Variants in EED observed in about 807,000 individuals in gnomAD.
EED encodes polycomb protein EED.
In EED, 9 loss-of-function variants were observed where a neutral mutation model predicts 61.0. That is an observed-to-expected ratio of 0.15 (90% CI 0.09 to 0.26). The LOEUF (loss-of-function observed/expected upper bound fraction) is 0.26, where lower values mean the gene tolerates loss of function less well. EED is among the 10% of genes least tolerant of loss of function. The pLI is 1.00. For synonymous variants in EED, 187 were observed against 174.4 expected, an observed-to-expected ratio of 1.07 and a Z score of -0.57; for missense variants, 315 against 542.3, an observed-to-expected ratio of 0.58 and a Z score of 4.16.
In EED at chr11:86,252,223, A is replaced by G; in HGVS notation, c.343A>G (p.Thr115Ala). 2 of 1,610,724 alleles carry G rather than the reference A, an allele frequency of 1.2e-6. No homozygotes were observed. The highest frequency in any genetic ancestry group is 1.1e-5 in the South Asian group (1 of 90,658). Reference protein sequence around the residue: ...SKEGDPLVFATVGSNRVTLYE... With the variant: ...SKEGDPLVFAAVGSNRVTLYE... ...AGAAGGAGATCCATTAGTGTTTGCA[A>G]CTGTAGGAAGCAACAGAGTGAGTGT... The change falls in exon 3 of 12, where the codon ACT (threonine) becomes GCT (alanine). Residue 115 changes from threonine (T) to alanine (A), a missense_variant. Thr to Ala is a moderately conservative substitution (Grantham distance 58). Around this residue, in one of 2 missense-constraint regions of EED, gnomAD observed 205 missense variants for 455.4 expected, o/e 0.45. Transcript: ENST00000263360.
At chr11:86,257,185 TTGTGTGTGTGTGTGTG>T (rs71040223) in intron 5 of EED, among the ~76,000 whole-genome samples, 2 of 143,356 alleles carry the variant, frequency 1.4e-5, no homozygotes, top group South Asian at 2.3e-4. Context: ...AATTTTTAAT[TTGTGTGTGTGTGTGTG>T]TGTGTGTGTG....
chr11:86,275,739 G>A (rs954294667), intron 9 of EED, among the ~76,000 whole-genome samples: 2 of 152,164 alleles, frequency 1.3e-5, no homozygotes, highest in Non-Finnish European at 2.9e-5. Context: ...GCTGAGATGA[G>A]TCTTTTGAGA....
At chr11:86,263,471 C>T (rs1945891930) in intron 6 of EED, among the ~76,000 whole-genome samples, 1 of 152,188 alleles carries the variant, frequency 6.6e-6, no homozygotes, top group Non-Finnish European at 1.5e-5. Context: ...TTTTGTGCTG[C>T]TATAACACAA....
intron 3 of EED, among the ~76,000 whole-genome samples, chr11:86,253,585 C>T (rs7942971): frequency 0.41 from 61,985 of 151,952 alleles, 12,751 homozygotes; most frequent in East Asian, 0.48. Flanking sequence ...AAAACAATTA[C>T]CACATAAGAC....
the EED span, among the ~76,000 whole-genome samples, chr11:86,285,902 T>C: frequency 6.6e-6 from 1 of 151,778 alleles, no homozygotes; most frequent in African/African-American, 2.4e-5. Context: ...CCTGGTGTAA[T>C]GATCATTTTA....
Position 86,250,323 on chromosome 11 carries a change from A to G in EED, c.142A>G (p.Thr48Ala). 1.9e-6 allele frequency: 3 copies of G among 1,597,316 alleles called. No individual in the cohort carries two copies. The highest frequency in any genetic ancestry group is 2.6e-6 in the Non-Finnish European group (3 of 1,173,574). The change falls in exon 2 of 12, where the codon ACA becomes GCA. Residue 48 changes from threonine to alanine, a missense_variant. Thr to Ala is a moderately conservative substitution (Grantham distance 58, BLOSUM62 0). Coordinates refer to ENST00000263360, the MANE Select transcript of EED (RefSeq NM_003797.5). ...TGACGCTGTCAGTATAGAAAGTGGT[A>G]CAAACACTGAACGCCCTGATACACC... is the stretch of plus-strand genomic sequence containing the variant. ...NDDAVSIESGTNTERPDTPTN... is the reference protein window; with the variant it reads ...NDDAVSIESGANTERPDTPTN...
Position 86,244,863 on chromosome 11 carries a change from T to G in EED, c.-367T>G. ...GGGGGTGAGGGAGCATCCCTTTGAGTTTCGCCTCTTCTCGAGGCGGTGGTG... is the reference window on the plus strand; with the variant it reads ...GGGGGTGAGGGAGCATCCCTTTGAGGTTCGCCTCTTCTCGAGGCGGTGGTG... On this transcript the variant is annotated 5_prime_UTR_variant, in exon 1 of 12. Coordinates refer to ENST00000263360, the MANE Select transcript of EED (RefSeq NM_003797.5). The G allele has an allele frequency of 4.0e-6, 1 of 247,536 alleles. No individual in the cohort carries two copies. 15.3% of individuals were successfully genotyped at this position (247,536 alleles called of 1,614,324 possible).
chr11:86,268,186 T>C (rs766541135), intron 8 of EED: 7 of 248,076 alleles, frequency 2.8e-5, no homozygotes, highest in Non-Finnish European at 4.6e-5. Flanking sequence ...GGGTTATATA[T>C]AGTAAAACGC....
intron 4 of EED, among the ~76,000 whole-genome samples, chr11:86,255,780 G>A (rs1457982159): frequency 6.6e-6 from 1 of 151,912 alleles, no homozygotes; most frequent in Non-Finnish European, 1.5e-5. Flanking sequence ...AATAAAAATT[G>A]CAAAACAGGT....
At chr11:86,268,593 T>TTGTGTGTG (rs780907378) in intron 9 of EED, 32 bp downstream of exon 9, 16 of 944,510 alleles carry the variant, frequency 1.7e-5, no homozygotes, top group Admixed American at 2.3e-5. Flanking sequence ...TGTACTTCCA[T>TTGTGTGTG]CGTGTGTGTG....
rs116787118 is a variant in EED at position 86,259,502 on chromosome 11, A to C, written c.634+1906A>C. 3.6e-3 allele frequency among the ~76,000 whole-genome samples: 549 copies of C among 152,138 alleles called. 1 individual carries two copies. Among genetic ancestry groups the C allele is most frequent in the African/African-American group, 0.013 (527 of 41,508 alleles). The stretch of plus-strand genomic sequence containing the variant: ...AATTTTGTAAAAAATGTTTTTGTAG[A>C]GATGAGGTCTCCCTGTGTTACCTAG... On this transcript the variant is annotated intron_variant, in intron 6 of 11. Coordinates refer to ENST00000263360, the MANE Select transcript of EED (RefSeq NM_003797.5).
chr11:86,276,772 A>G, intron 9 of EED: 1 of 375,518 alleles, frequency 2.7e-6, no homozygotes. Flanking sequence ...CTTTTGTATT[A>G]TCGAATTCTG....
At chr11:86,260,589 CTG>C (rs1945802558) in intron 6 of EED, among the ~76,000 whole-genome samples, 1 of 152,100 alleles carries the variant, frequency 6.6e-6, no homozygotes, top group Non-Finnish European at 1.5e-5. Flanking sequence ...TGAAGAGGGA[CTG>C]TCATTCTATA....
At chr11:86,278,040 CT>C (rs775156269) in intron 11 of EED, 49 bp downstream of exon 11, 4 of 1,476,768 alleles carry the variant, frequency 2.7e-6, no homozygotes, top group Non-Finnish European at 3.6e-6. Flanking sequence ...TTTCTCCACA[CT>C]TGTATGCCAA....
chr11:86,259,163 C>T (rs1358011493), intron 6 of EED, among the ~76,000 whole-genome samples: 3 of 151,448 alleles, frequency 2.0e-5, no homozygotes, highest in African/African-American at 4.8e-5. Flanking sequence ...CCACTGCGCA[C>T]AGCCCAACAT....
the EED span, among the ~76,000 whole-genome samples, chr11:86,284,986 C>T: frequency 2.6e-5 from 4 of 152,168 alleles, no homozygotes; most frequent in African/African-American, 9.7e-5. Context: ...TGGCATGTGC[C>T]TGTAATCCCA....
chr11:86,254,157 A>G (rs1260031636), intron 3 of EED, among the ~76,000 whole-genome samples: 1 of 151,734 alleles, frequency 6.6e-6, no homozygotes, highest in Non-Finnish European at 1.5e-5. Flanking sequence ...AGAGTATGCA[A>G]CAAATGAAAA....
chr11:86,246,090 G>C (rs1348281157), intron 1 of EED, among the ~76,000 whole-genome samples: 4 of 152,242 alleles, frequency 2.6e-5, no homozygotes, highest in African/African-American at 9.6e-5. Flanking sequence ...GCTTCGCCAA[G>C]TGCGCGATGT....
chr11:86,256,507 A>G lies in EED; in HGVS notation c.547A>G (p.Ile183Val). The G allele has an allele frequency of 6.4e-7, 1 of 1,565,428 alleles. No individual in the cohort carries two copies. Among genetic ancestry groups the G allele is most frequent in the Non-Finnish European group, 8.7e-7 (1 of 1,151,598 alleles). The stretch of plus-strand genomic sequence containing the variant: ...AATAAATCCTATAACAATGCAGTGT[A>G]TAAAGGTGGGTTTTTCTGGTTAAAT... ...RIINPITMQC[I>V]KHYVGHGNAI... The change falls in exon 5 of 12, where the codon ATA becomes GTA. Residue 183 changes from isoleucine to valine, a missense_variant. Transcript: ENST00000263360.
Sources: allele counts gnomAD v4.1 joint callset (sites outside exome capture counted in the v4.1 genomes callset), GRCh38; gene constraint gnomAD v4.1.1; regional missense constraint gnomAD v4.1.1; transcripts MANE v1.5; gene names NCBI Gene and HGNC (gene_info 2026-07-23, HGNC 2026-07-21).